The following YTHDF1 variants were observed in gnomAD, a reference collection of about 807,000 sequenced individuals.
YTHDF1 encodes the protein YTH N6-methyladenosine RNA binding protein F1.
YTHDF1 carries 16 observed loss-of-function variants against 49.1 expected under a neutral mutation model. The ratio of observed to expected loss-of-function variants is 0.33; its 90% CI spans 0.22 to 0.49. The LOEUF (loss-of-function observed/expected upper bound fraction) is 0.49, where lower values mean the gene tolerates loss of function less well. Among genes scored for constraint, YTHDF1 ranks in the 20% least tolerant of loss-of-function variants. YTHDF1 has a pLI of 0.99. For missense variants in YTHDF1, 621 were observed against 744.3 expected (o/e 0.83, Z 1.93); for synonymous variants, 313 against 290.1 (o/e 1.08, Z -0.80).
In YTHDF1 at chr20:63,212,767, C is replaced by T. The variant is rs190255584; in HGVS notation, c.132+1097G>A. Among the ~76,000 whole-genome samples, 671 of 152,304 alleles carry T rather than the reference C, an allele frequency of 4.4e-3. 1 individual carries two copies. The highest frequency in any genetic ancestry group is 6.9e-3 in the Non-Finnish European group (466 of 68,026). ...GGCAACTGTATCCCCCAAAAAACATCCACCAAGACAGTTTTGCTTGCTACA... is the reference window on the plus strand; with the variant it reads ...GGCAACTGTATCCCCCAAAAAACATTCACCAAGACAGTTTTGCTTGCTACA... On this transcript the variant is annotated intron_variant, in intron 3 of 4. Transcript: ENST00000370339.
intron 4 of YTHDF1, among the ~76,000 whole-genome samples, chr20:63,197,875 T>G (rs2066499693): frequency 6.6e-6 from 1 of 152,142 alleles, no homozygotes; most frequent in South Asian, 2.1e-4. Flanking sequence ...CCTCTTTTGC[T>G]AAAAATGGAC....
intron 2 of YTHDF1, 56 bp from the exon 3 acceptor site, chr20:63,213,999 C>T: frequency 6.5e-7 from 1 of 1,546,536 alleles, no homozygotes; most frequent in South Asian, 1.2e-5. Context: ...TACTTTTAAG[C>T]TTGGAAGGCA....
At position 63,203,980 on chromosome 20, in the gene YTHDF1, G is replaced by C. The variant is rs1049838334; in HGVS notation, c.133-173C>G. On this transcript the variant is annotated intron_variant, in intron 3 of 4. Transcript: ENST00000370339. This position sits in a 1 kb window ranked among gnomAD's most constrained non-coding sequence, Gnocchi z 4.4. ...AATGTGAGAACCAAATCAAGACAGA[G>C]AAATTAATAACGAACACAAACCAGG... Among the ~76,000 whole-genome samples the C allele has an allele frequency of 1.4e-4, 22 of 152,212 alleles. No individual in the cohort carries two copies. The highest frequency in any genetic ancestry group is 5.1e-4 in the African/African-American group (21 of 41,452).
At chr20:63,204,903 G>A (rs1409999673) in intron 3 of YTHDF1, among the ~76,000 whole-genome samples, 1 of 151,974 alleles carries the variant, frequency 6.6e-6, no homozygotes, top group Non-Finnish European at 1.5e-5. Context: ...GTGTCTGTAT[G>A]TGTGTGCGCA....
chr20:63,208,302 G>A (rs2066557821), intron 3 of YTHDF1, among the ~76,000 whole-genome samples: 1 of 152,190 alleles, frequency 6.6e-6, no homozygotes, highest in South Asian at 2.1e-4. Context: ...AAAGTATTAA[G>A]GGTACTGCTG....
chr20:63,211,642 C>T (rs983044708), intron 3 of YTHDF1, among the ~76,000 whole-genome samples: 1 of 152,104 alleles, frequency 6.6e-6, no homozygotes, highest in Non-Finnish European at 1.5e-5. Flanking sequence ...CCAAACAACA[C>T]AAAAGCTCCG....
chr20:63,197,439 C>T (rs1384394778), intron 4 of YTHDF1, among the ~76,000 whole-genome samples: 1 of 152,238 alleles, frequency 6.6e-6, no homozygotes, highest in African/African-American at 2.4e-5. Context: ...GTATGTGACA[C>T]ACAAGCTTGA....
chr20:63,196,631 C>T lies in YTHDF1; in HGVS notation c.*77G>A. The T allele has an allele frequency of 6.9e-6, 11 of 1,584,588 alleles. No homozygotes were observed. The highest frequency in any genetic ancestry group is 8.6e-6 in the Non-Finnish European group (10 of 1,156,808). On this transcript the variant is annotated 3_prime_UTR_variant, in exon 5 of 5. Transcript: ENST00000370339. Reference sequence around the variant, plus strand: ...CTCAACCCCCGCACGGGACGACACACTGGAGCTGACCAAGCACACGTGTTT... The same window carrying T: ...CTCAACCCCCGCACGGGACGACACATTGGAGCTGACCAAGCACACGTGTTT...
chr20:63,200,007 T>C (rs1353093853), intron 4 of YTHDF1, among the ~76,000 whole-genome samples: 2 of 151,962 alleles, frequency 1.3e-5, no homozygotes, highest in African/African-American at 2.4e-5. Context: ...CAAGCTGTGA[T>C]TAAGTCACTG....
intron 2 of YTHDF1, among the ~76,000 whole-genome samples, chr20:63,215,149 T>G (rs1157586055): frequency 2.6e-5 from 4 of 152,240 alleles, no homozygotes; most frequent in Non-Finnish European, 5.9e-5. Context: ...CAAGCCATAA[T>G]GTCACAGGAG....
Position 63,213,950 on chromosome 20 carries a change from C to T in YTHDF1, c.53-7G>A, listed in dbSNP as rs763633211. The stretch of plus-strand genomic sequence containing the variant: ...TGTAACGAACCATTTTGTACTAGAA[C>T]AAAAAGTTGCAAAATATTACCCTCA... On this transcript the variant is annotated splice_polypyrimidine_tract_variant and splice_region_variant and intron_variant, in intron 2 of 4. Transcript: ENST00000370339. The T allele has an allele frequency of 7.0e-6, 11 of 1,567,846 alleles. No homozygotes were observed. In the East Asian group the frequency reaches 2.3e-4, roughly 33 times the overall value.
intron 2 of YTHDF1, among the ~76,000 whole-genome samples, chr20:63,214,341 C>G (rs980805758): frequency 6.6e-6 from 1 of 152,158 alleles, no homozygotes; most frequent in Non-Finnish European, 1.5e-5. Context: ...GGGAAGAAAA[C>G]TTAGGAGGGA....
intron 3 of YTHDF1, among the ~76,000 whole-genome samples, chr20:63,204,189 T>C (rs2066533924): frequency 1.3e-5 from 2 of 152,314 alleles, no homozygotes; most frequent in Middle Eastern, 3.4e-3. Context: ...ACGGACGGCA[T>C]CATGGGAACT....
At chr20:63,206,555 A>G (rs990237014) in intron 3 of YTHDF1, among the ~76,000 whole-genome samples, 5 of 152,182 alleles carry the variant, frequency 3.3e-5, no homozygotes, top group African/African-American at 9.7e-5. Flanking sequence ...TCAGCTCCAG[A>G]TCACCACCAT....
chr20:63,213,810 C>A, intron 3 of YTHDF1, 54 bp downstream of exon 3: 1 of 1,497,278 alleles, frequency 6.7e-7, no homozygotes, highest in Non-Finnish European at 9.2e-7. Context: ...AGTAAAGGTA[C>A]AAAACAATTA....
At chr20:63,201,776 G>C (rs1171703341) in intron 4 of YTHDF1, among the ~76,000 whole-genome samples, 1 of 152,220 alleles carries the variant, frequency 6.6e-6, no homozygotes, top group African/African-American at 2.4e-5. Flanking sequence ...ACGACCTCCA[G>C]ATCAAAGACC....
At chr20:63,204,652 G>T (rs2066536988) in intron 3 of YTHDF1, among the ~76,000 whole-genome samples, 1 of 152,220 alleles carries the variant, frequency 6.6e-6, no homozygotes, top group Non-Finnish European at 1.5e-5. Context: ...ACATGTCTGT[G>T]TAGTGACTGG....
intron 4 of YTHDF1, among the ~76,000 whole-genome samples, chr20:63,201,231 T>C (rs1327461578): frequency 6.6e-6 from 1 of 152,160 alleles, no homozygotes; most frequent in African/African-American, 2.4e-5. Context: ...GCGGCTCTAC[T>C]CTATACATCC....
chr20:63,211,200 C>A (rs1271212013), intron 3 of YTHDF1, among the ~76,000 whole-genome samples: 1 of 152,192 alleles, frequency 6.6e-6, no homozygotes, highest in African/African-American at 2.4e-5. Flanking sequence ...ACTAGTGGCT[C>A]ATGCCTATAA....
Sources: allele counts gnomAD v4.1 joint callset (sites outside exome capture counted in the v4.1 genomes callset), GRCh38; gene constraint gnomAD v4.1.1; non-coding constraint Gnocchi (gnomAD v3.1); transcripts MANE v1.5; gene names NCBI Gene and HGNC (gene_info 2026-07-23, HGNC 2026-07-21).